NCS1: variants seen among roughly 807,000 people sequenced by gnomAD.
NCS1 encodes the protein frequenin homolog.
NCS1 carries 6 observed loss-of-function variants against 28.4 expected under a neutral mutation model. That is an observed-to-expected ratio of 0.21 (90% CI 0.12 to 0.42). NCS1 has a LOEUF of 0.42. Among genes scored for constraint, NCS1 ranks in the 10% least tolerant of loss-of-function variants. The pLI is 1.00. For missense variants in NCS1, 131 were observed against 241.4 expected, an observed-to-expected ratio of 0.54 and a Z score of 3.03; for synonymous variants, 86 against 99.3, an observed-to-expected ratio of 0.87 and a Z score of 0.79.
chr9:130,199,488 G>A (rs141418463), intron 1 of NCS1, among the ~76,000 whole-genome samples: 199 of 152,342 alleles, frequency 1.3e-3, no homozygotes, highest in South Asian at 0.013. Context: ...ACCAGCACGG[G>A]GATGGAGGCA....
rs1832494927 is a variant in NCS1, at chr9:130,172,549, GCGCGGGCGC to G, written c.-111_-103del. 1 of 369,240 alleles carries G rather than the reference GCGCGGGCGC, an allele frequency of 2.7e-6. No homozygotes were observed. Among genetic ancestry groups the G allele is most frequent in the Admixed American group, 6.7e-5 (1 of 14,938 alleles). 22.9% of individuals were successfully genotyped at this position (369,240 alleles called of 1,614,324 possible). A position where few individuals can be genotyped will look rare whatever the true frequency, so the allele number is the denominator to read the frequency against. On this transcript the variant is annotated 5_prime_UTR_variant, in exon 1 of 8. Coordinates refer to ENST00000372398, the MANE Select transcript of NCS1 (RefSeq NM_014286.4). ...CCGGCGCCGACAGCCGCGCAGCGCA[GCGCGGGCGC>G]CGCAGACAAAGGCGCGGCCCCGGCC...
At chr9:130,221,977 A>ATG (rs1491355231) in intron 4 of NCS1, among the ~76,000 whole-genome samples, 12 of 94,230 alleles carry the variant, frequency 1.3e-4, no homozygotes, top group African/African-American at 5.2e-4. Flanking sequence ...TTATGTATAT[A>ATG]AATATATATA....
In NCS1 at chr9:130,219,382, G is replaced by A. The variant is rs375029589; in HGVS notation, c.229-343G>A. On this transcript the variant is annotated intron_variant, in intron 3 of 7. Coordinates refer to ENST00000372398, the MANE Select transcript of NCS1 (RefSeq NM_014286.4). This position sits in a 1 kb window ranked among gnomAD's most constrained non-coding sequence, Gnocchi z 5.7. ...GCCCATGAGCCCACAGCTCTAGGCCGAGGGGCTTCCGGGCTGTTGCTGAGA... is the reference window on the plus strand; with the variant it reads ...GCCCATGAGCCCACAGCTCTAGGCCAAGGGGCTTCCGGGCTGTTGCTGAGA... Among the ~76,000 whole-genome samples the A allele has an allele frequency of 1.3e-5, 2 of 152,330 alleles. No individual in the cohort carries two copies. Among genetic ancestry groups the A allele is most frequent in the South Asian group, 2.1e-4 (1 of 4,830 alleles).
At chr9:130,201,263 C>A (rs1222618269) in intron 2 of NCS1, among the ~76,000 whole-genome samples, 1 of 152,118 alleles carries the variant, frequency 6.6e-6, no homozygotes, top group East Asian at 1.9e-4. Flanking sequence ...TGATTCCAGG[C>A]CCTGTTCACC....
chr9:130,226,340 C>A lies in NCS1; in HGVS notation c.475-49C>A. The A allele has an allele frequency of 6.6e-7, 1 of 1,513,126 alleles. No homozygotes were observed. Among genetic ancestry groups the A allele is most frequent in the South Asian group, 1.1e-5 (1 of 88,732 alleles). 93.7% of individuals were successfully genotyped at this position (1,513,126 alleles called of 1,614,324 possible). ...GGCCCTGGGCTGGGCTTGTCTAGAG[C>A]CCTCTCCTGGGAGGCCCTGCACCCT... On this transcript the variant is annotated intron_variant, in intron 6 of 7. Coordinates refer to ENST00000372398, the MANE Select transcript of NCS1 (RefSeq NM_014286.4). The surrounding 1 kb of genome is among the most constrained non-coding windows in gnomAD (Gnocchi z 4.8).
chr9:130,224,037 G>A (rs900859703), intron 6 of NCS1, among the ~76,000 whole-genome samples: 2 of 151,498 alleles, frequency 1.3e-5, no homozygotes, highest in African/African-American at 2.4e-5. Context: ...TAGTAGAGAC[G>A]GGATTTCACC....
rs1161064442 is a variant in NCS1 at position 130,236,004 on chromosome 9, T to C, written c.*3032T>C. On this transcript the variant is annotated 3_prime_UTR_variant, in exon 8 of 8. Transcript: ENST00000372398. ...TGGTGACTTAGGAGAATGTTCCGAT[T>C]TTCCATGATCTAAGCAGGCCACGTT... 2 of 152,294 alleles carry C rather than the reference T, an allele frequency of 1.3e-5. No individual in the cohort carries two copies. Among genetic ancestry groups the C allele is most frequent in the African/African-American group, 4.8e-5 (2 of 41,462 alleles). 9.4% of individuals were successfully genotyped at this position (152,294 alleles called of 1,614,324 possible).
chr9:130,192,697 G>A lies in NCS1; in HGVS notation c.65-8261G>A, dbSNP rs1330807406. On this transcript the variant is annotated intron_variant, in intron 1 of 7. Coordinates refer to ENST00000372398, the MANE Select transcript of NCS1 (RefSeq NM_014286.4). The surrounding 1 kb of genome is among the most constrained non-coding windows in gnomAD (Gnocchi z 4.8). ...CCTTCTGAAATCACCTGATGCTGCC[G>A]TGTGACTCCAGGGAGGTTCTCCCCC... Among the ~76,000 whole-genome samples, 3 of 152,262 alleles carry A rather than the reference G, an allele frequency of 2.0e-5. No homozygotes were observed. The highest frequency in any genetic ancestry group is 6.5e-5 in the Admixed American group (1 of 15,304).
At chr9:130,205,537 G>A (rs868931766) in intron 2 of NCS1, among the ~76,000 whole-genome samples, 304 of 115,070 alleles carry the variant, frequency 2.6e-3, no homozygotes, top group South Asian at 3.5e-3. Flanking sequence ...TCGTCTCTTA[G>A]AAAAAAAAAA....
At chr9:130,228,046 T>C (rs1554911639) in intron 7 of NCS1, among the ~76,000 whole-genome samples, 1 of 152,242 alleles carries the variant, frequency 6.6e-6, no homozygotes, top group Non-Finnish European at 1.5e-5. Context: ...TGTAGACACC[T>C]GCACAGGGCT....
intron 5 of NCS1, 82 bp from the exon 6 acceptor site, chr9:130,223,000 C>G (rs1833355326): frequency 8.0e-7 from 1 of 1,245,942 alleles, no homozygotes; most frequent in Non-Finnish European, 1.2e-6. Flanking sequence ...CTGGAAACTG[C>G]CAGGTCTGGG....
chr9:130,217,242 G>A (rs1410320801), intron 2 of NCS1, among the ~76,000 whole-genome samples: 1 of 152,214 alleles, frequency 6.6e-6, no homozygotes, highest in Non-Finnish European at 1.5e-5. Flanking sequence ...TTTTGTGCTG[G>A]GCACTGGGAC....
intron 6 of NCS1, 101 bp downstream of exon 6, chr9:130,223,260 C>A: frequency 9.2e-7 from 1 of 1,084,022 alleles, no homozygotes; most frequent in East Asian, 2.5e-5. Flanking sequence ...CTGCCAACCT[C>A]CTCCATGGCT....
At chr9:130,231,935 T>A in intron 7 of NCS1, among the ~76,000 whole-genome samples, 1 of 150,636 alleles carries the variant, frequency 6.6e-6, no homozygotes, top group African/African-American at 2.4e-5. Flanking sequence ...TCACTGTGGT[T>A]TTTTGTTGTT....
At chr9:130,172,762 G>GGGCC in intron 1 of NCS1, 35 bp downstream of exon 1, 2 of 1,346,568 alleles carry the variant, frequency 1.5e-6, no homozygotes, top group Non-Finnish European at 9.9e-7. Flanking sequence ...GCGCCCCGCG[G>GGGCC]TCACCCCCAC....
rs1554911463 is a variant in NCS1, at chr9:130,226,767, C to T, written c.*17+263C>T. Reference sequence around the variant, plus strand: ...TTTTTCTGGGCGCGGTGGCTCACGCCTGTAATCCCAGCACTTTGGGAAGCT... The same window carrying T: ...TTTTTCTGGGCGCGGTGGCTCACGCTTGTAATCCCAGCACTTTGGGAAGCT... On this transcript the variant is annotated intron_variant, in intron 7 of 7. Coordinates refer to ENST00000372398, the MANE Select transcript of NCS1 (RefSeq NM_014286.4). The surrounding 1 kb of genome is among the most constrained non-coding windows in gnomAD (Gnocchi z 4.8). Among the ~76,000 whole-genome samples the T allele has an allele frequency of 6.6e-6, 1 of 152,124 alleles. No homozygotes were observed. The highest frequency in any genetic ancestry group is 2.4e-5 in the African/African-American group (1 of 41,420).
At position 130,226,230 on chromosome 9, in the gene NCS1, C is replaced by T. The variant is rs898581474; in HGVS notation, c.475-159C>T. ...CCCAAGGCCACCCTGCCATGAGTGC[C>T]GAGGTCTGTCTGGTGCTGGCTGCTT... On this transcript the variant is annotated intron_variant, in intron 6 of 7. Transcript: ENST00000372398. This position sits in a 1 kb window ranked among gnomAD's most constrained non-coding sequence, Gnocchi z 4.8. Among the ~76,000 whole-genome samples, 37 of 152,334 alleles carry T rather than the reference C, an allele frequency of 2.4e-4. No individual in the cohort carries two copies. The highest frequency in any genetic ancestry group is 1.0e-4 in the Non-Finnish European group (7 of 68,030).
At chr9:130,213,203 G>A (rs1373938544) in intron 2 of NCS1, among the ~76,000 whole-genome samples, 10 of 152,180 alleles carry the variant, frequency 6.6e-5, no homozygotes, top group African/African-American at 1.9e-4. Context: ...TGTGACTTTC[G>A]GCCTGTCTCT....
rs782324075 is a variant in NCS1, at chr9:130,209,618, T to C, written c.90-8214T>C. Among the ~76,000 whole-genome samples the C allele has an allele frequency of 1.3e-5, 2 of 152,124 alleles. No homozygotes were observed. Among genetic ancestry groups the C allele is most frequent in the Admixed American group, 6.5e-5 (1 of 15,282 alleles). On this transcript the variant is annotated intron_variant, in intron 2 of 7. Transcript: ENST00000372398. The surrounding 1 kb of genome is among the most constrained non-coding windows in gnomAD (Gnocchi z 4.4). ...GGTGGACGAGGGCATTCACCCAGCCTGGCGCCGTGTTGGGGAAGAGAAGGT... is the reference window on the plus strand; with the variant it reads ...GGTGGACGAGGGCATTCACCCAGCCCGGCGCCGTGTTGGGGAAGAGAAGGT...
Sources: gnomAD v4.1 joint callset for allele counts (sites outside exome capture counted in the v4.1 genomes callset) on GRCh38, gnomAD v4.1.1 for gene constraint, Gnocchi (gnomAD v3.1) non-coding constraint, MANE v1.5 for transcripts, NCBI Gene and HGNC (gene_info 2026-07-23, HGNC 2026-07-21) for gene names.